COASY: variants seen among roughly 807,000 people sequenced by gnomAD.
COASY encodes Coenzyme A synthase, also known as bifunctional coenzyme A synthase.
COASY carries 31 observed loss-of-function variants against 49.4 expected under a neutral mutation model. The ratio of observed to expected loss-of-function variants is 0.63; its 90% CI spans 0.47 to 0.85. COASY has a LOEUF of 0.85. COASY is among the 40% of genes least tolerant of loss of function. The probability of loss-of-function intolerance (pLI) is 0.00; values close to 1 mark genes in which losing one functional copy is unlikely to be tolerated. For missense variants in COASY, 730 were observed against 734.1 expected, an observed-to-expected ratio of 0.99 and a Z score of 0.06; for synonymous variants, 285 against 310.9, an observed-to-expected ratio of 0.92 and a Z score of 0.88.
At position 42,565,576 on chromosome 17, in the gene COASY, G is replaced by A. The variant is rs767753702; in HGVS notation, c.1485+8G>A. 3.7e-6 allele frequency: 6 copies of A among 1,613,910 alleles called. No homozygotes were observed. Among genetic ancestry groups the A allele is most frequent in the Admixed American group, 1.7e-5 (1 of 59,996 alleles). On this transcript the variant is annotated splice_region_variant and intron_variant, in intron 7 of 8. Coordinates refer to ENST00000393818, the MANE Select transcript of COASY (RefSeq NM_025233.7). ...GTCATCCCAGAGACTGAGGTATCTCGCCCCACCCCCCACACCATCCCTACT... is the reference window on the plus strand; with the variant it reads ...GTCATCCCAGAGACTGAGGTATCTCACCCCACCCCCCACACCATCCCTACT...
intron 1 of COASY, chr17:42,563,628 G>T (rs905936818): frequency 1.2e-5 from 6 of 515,000 alleles, no homozygotes; most frequent in Non-Finnish European, 2.1e-5. Flanking sequence ...TGAGCTGCAG[G>T]TAGCAGTGCC....
chr17:42,563,420 C>A, intron 1 of COASY, 98 bp downstream of exon 1: 1 of 1,110,580 alleles, frequency 9.0e-7, no homozygotes, highest in Non-Finnish European at 1.3e-6. Context: ...CCATTCATTA[C>A]TTCCCACCCT....
Position 42,562,548 on chromosome 17 carries a change from C to T in COASY, c.-75C>T, listed in dbSNP as rs1255330684. The stretch of plus-strand genomic sequence containing the variant: ...CTTCTCTGGGGTCCAAGGTCCCATA[C>T]AGGCCTCTGCCTCGGCCGCAGGCCC... On this transcript the variant is annotated 5_prime_UTR_variant, in exon 1 of 9. Coordinates refer to ENST00000393818, the MANE Select transcript of COASY (RefSeq NM_025233.7). 3.8e-6 allele frequency: 6 copies of T among 1,595,572 alleles called. No homozygotes were observed. Among genetic ancestry groups the T allele is most frequent in the African/African-American group, 1.3e-5 (1 of 74,092 alleles).
chr17:42,563,547 AAAGGGATCTGCATTTTAGC>A lies in COASY; in HGVS notation c.700+229_700+247del, dbSNP rs576943976. On this transcript the variant is annotated intron_variant, in intron 1 of 8. Coordinates refer to ENST00000393818, the MANE Select transcript of COASY (RefSeq NM_025233.7). ...AATCAGAATACCCCAAATGTGAAGC[AAAGGGATCTGCATTTTAGC>A]AAGTTTTCCAGGTGATACACCCTAA... 459 of 565,414 alleles carry A rather than the reference AAAGGGATCTGCATTTTAGC, an allele frequency of 8.1e-4. 4 individuals carry two copies. The South Asian group carries it at 0.01, about 13-fold the overall frequency. 35.0% of individuals were successfully genotyped at this position (565,414 alleles called of 1,614,324 possible).
chr17:42,562,823 C>T lies in COASY; in HGVS notation c.201C>T (p.Phe67=). The T allele has an allele frequency of 3.7e-6, 6 of 1,613,160 alleles. No homozygotes were observed. The highest frequency in any genetic ancestry group is 5.1e-6 in the Non-Finnish European group (6 of 1,179,510). Residue 67 remains phenylalanine (F), a synonymous_variant, in exon 1 of 9, where the codon TTC becomes TTT. Transcript: ENST00000393818. ...AGGCCACGTTTGAGGTTCTTGATTT[C>T]ATCACGCACCTCTATGCTGGCGCCG... ...PVQATFEVLD[F]ITHLYAGADV...
intron 6 of COASY, 34 bp downstream of exon 6, chr17:42,565,345 G>A (rs776756268): frequency 6.2e-7 from 1 of 1,611,740 alleles, no homozygotes; most frequent in South Asian, 1.1e-5. Context: ...CAGCTAAGGG[G>A]ACAGTTAAGC....
chr17:42,562,982 C>T lies in COASY; in HGVS notation c.360C>T (p.Thr120=), dbSNP rs370986415. Reference sequence around the variant, plus strand: ...AAGTCGTGTTGACAGATTTCCAGACCCTGGATGGAAGCCAGTACAACCCGG... The same window carrying T: ...AAGTCGTGTTGACAGATTTCCAGACTCTGGATGGAAGCCAGTACAACCCGG... The part of the protein sequence containing the change: ...PPEVVLTDFQ[T]LDGSQYNPVK... The change falls in exon 1 of 9, where the codon ACC becomes ACT. Residue 120 remains threonine, a synonymous_variant. Coordinates refer to ENST00000393818, the MANE Select transcript of COASY (RefSeq NM_025233.7). 3 of 1,614,142 alleles carry T rather than the reference C, an allele frequency of 1.9e-6. No individual in the cohort carries two copies. The highest frequency in any genetic ancestry group is 1.3e-5 in the African/African-American group (1 of 75,066).
Position 42,565,772 on chromosome 17 carries a change from C to A in COASY, c.1599C>A (p.Ser533Arg), listed in dbSNP as rs1481693699. The A allele has an allele frequency of 1.5e-5, 24 of 1,613,824 alleles. No homozygotes were observed. The highest frequency in any genetic ancestry group is 1.9e-5 in the Non-Finnish European group (23 of 1,180,048). Residue 533 changes from serine to arginine, a missense_variant, in exon 8 of 9, where the codon AGC (serine) becomes AGA (arginine). Physicochemically the swap from Ser to Arg is moderately radical, Grantham distance 110. Transcript: ENST00000393818. Reference protein sequence around the residue: ...QLVEQSHVVLSTLWEPHITQR... With the variant: ...QLVEQSHVVLRTLWEPHITQR... ...TGGAACAGAGCCACGTGGTGCTCAG[C>A]ACCTTGTGGGAGCCGCATATCACCC...
chr17:42,565,232 G>A lies in COASY; in HGVS notation c.1308G>A (p.Gln436=), dbSNP rs769644844. The A allele has an allele frequency of 6.2e-7, 1 of 1,614,082 alleles. No individual in the cohort carries two copies. ...CCCTCTGTTCCCCTCCCCAGAAGCA[G>A]CTGAAGATACTCACGGACATTATGT... The part of the protein sequence containing the change: ...LGSRVFGNKK[Q]LKILTDIMWP... Residue 436 remains glutamine, a synonymous_variant, in exon 6 of 9, where the codon CAG becomes CAA. Transcript: ENST00000393818.
rs1241177960 is a variant in COASY, at chr17:42,564,574, A to G, written c.1044A>G (p.Pro348=). The G allele has an allele frequency of 4.3e-6, 7 of 1,611,098 alleles. No individual in the cohort carries two copies. The highest frequency in any genetic ancestry group is 2.2e-5 in the South Asian group (2 of 90,820). Residue 348 remains proline (P), a synonymous_variant, in exon 3 of 9, where the codon CCA becomes CCG. Transcript: ENST00000393818. ...QRMLGNLLRP[P]YERPELPTCL... ...TGTTGGGGAACCTGCTTCGGCCTCC[A>G]TATGTAAGCTCCTCTCCCTCCTTCC...
In COASY at chr17:42,564,498, A is replaced by T; in HGVS notation, c.968A>T (p.His323Leu). The T allele has an allele frequency of 6.2e-7, 1 of 1,613,550 alleles. No homozygotes were observed. The highest frequency in any genetic ancestry group is 8.5e-7 in the Non-Finnish European group (1 of 1,179,682). The change falls in exon 3 of 9, where the codon CAT becomes CTT. Residue 323 changes from histidine to leucine, a missense_variant. Transcript: ENST00000393818. ...ATCCAGCTGCTGAAGGACCTCAGAC[A>T]TACAGAGAATGAAGAGGACAAAGTC... is the stretch of plus-strand genomic sequence containing the variant. ...YQIQLLKDLR[H>L]TENEEDKVSS...
In COASY at chr17:42,563,009, C is replaced by G; in HGVS notation, c.387C>G (p.Val129=). The part of the protein sequence containing the change: ...QTLDGSQYNP[V]KQQLVRYATS... ...TGGATGGAAGCCAGTACAACCCGGT[C>G]AAACAGCAGCTAGTGCGTTACGCCA... The change falls in exon 1 of 9, where the codon GTC becomes GTG. Residue 129 remains valine, a synonymous_variant. Coordinates refer to ENST00000393818, the MANE Select transcript of COASY (RefSeq NM_025233.7). The G allele has an allele frequency of 6.2e-7, 1 of 1,614,152 alleles. No individual in the cohort carries two copies. The highest frequency in any genetic ancestry group is 8.5e-7 in the Non-Finnish European group (1 of 1,180,032).
chr17:42,562,406 T>G lies in COASY; in HGVS notation c.-217T>G. ...AGTTCAGCGAAGTCACCGCCCCGTCTGAGAAATGAGGACACCAAGGCTTAG... is the reference window on the plus strand; with the variant it reads ...AGTTCAGCGAAGTCACCGCCCCGTCGGAGAAATGAGGACACCAAGGCTTAG... On this transcript the variant is annotated 5_prime_UTR_variant, in exon 1 of 9. Transcript: ENST00000393818. 1 of 1,613,718 alleles carries G rather than the reference T, an allele frequency of 6.2e-7. No individual in the cohort carries two copies. Among genetic ancestry groups the G allele is most frequent in the Non-Finnish European group, 8.5e-7 (1 of 1,179,702 alleles).
At position 42,564,455 on chromosome 17, in the gene COASY, G is replaced by A. The variant is rs990308792; in HGVS notation, c.925G>A (p.Glu309Lys). The A allele has an allele frequency of 6.2e-7, 1 of 1,613,980 alleles. No homozygotes were observed. The highest frequency in any genetic ancestry group is 8.5e-7 in the Non-Finnish European group (1 of 1,179,990). Residue 309 changes from glutamate to lysine, a missense_variant, in exon 3 of 9, where the codon GAA becomes AAA. Coordinates refer to ENST00000393818, the MANE Select transcript of COASY (RefSeq NM_025233.7). Reference protein sequence around the residue: ...NRFRLENDLEELALYQIQLLK... With the variant: ...NRFRLENDLEKLALYQIQLLK... ...TTCCTCTTTACCCCAGGACCTGGAG[G>A]AACTTGCTTTGTACCAGATCCAGCT... is the stretch of plus-strand genomic sequence containing the variant.
intron 6 of COASY, 79 bp from the exon 7 acceptor site, chr17:42,565,392 G>A: frequency 6.2e-7 from 1 of 1,607,070 alleles, no homozygotes; most frequent in South Asian, 1.1e-5. Flanking sequence ...CCCAACGTGG[G>A]ACTGTCTGTT....
rs1203241612 is a variant in COASY at position 42,566,119 on chromosome 17, C to T, written c.*151C>T. 9 of 764,626 alleles carry T rather than the reference C, an allele frequency of 1.2e-5. No individual in the cohort carries two copies. Among genetic ancestry groups the T allele is most frequent in the African/African-American group, 1.0e-4 (6 of 57,556 alleles). The allele number at this position is 764,626 out of a possible 1,614,324, so 47.4% of individuals were successfully genotyped here. A position where few individuals can be genotyped will look rare whatever the true frequency, so the allele number is the denominator to read the frequency against. Reference sequence around the variant, plus strand: ...GGCCAGGCCTGGTGGACACAGGAAGCCTACCCAACACGCTGGTATTTGGCC... The same window carrying T: ...GGCCAGGCCTGGTGGACACAGGAAGTCTACCCAACACGCTGGTATTTGGCC... On this transcript the variant is annotated 3_prime_UTR_variant, in exon 9 of 9. Transcript: ENST00000393818.
At position 42,562,689 on chromosome 17, in the gene COASY, G is replaced by T; in HGVS notation, c.67G>T (p.Ala23Ser). The T allele has an allele frequency of 6.5e-7, 1 of 1,547,700 alleles. No individual in the cohort carries two copies. The highest frequency in any genetic ancestry group is 8.7e-7 in the Non-Finnish European group (1 of 1,149,110). Residue 23 changes from alanine to serine, a missense_variant, in exon 1 of 9, where the codon GCC becomes TCC. Coordinates refer to ENST00000393818, the MANE Select transcript of COASY (RefSeq NM_025233.7). ...TPLASLAPRL[A>S]SILTSAARLV... ...GCTGGCCTCCCTAGCCCCTCGCCTG[G>T]CCTCCATCCTGACCTCGGCGGCCCG...
In COASY at chr17:42,564,705, C is replaced by T. The variant is rs2092993498; in HGVS notation, c.1048-4C>T. On this transcript the variant is annotated splice_region_variant and splice_polypyrimidine_tract_variant and intron_variant, in intron 3 of 8. Transcript: ENST00000393818. The stretch of plus-strand genomic sequence containing the variant: ...ACTGTGGGTTCCCTTTCACCTATCC[C>T]CAGGAAAGGCCAGAGCTCCCCACAT... 1 of 1,525,718 alleles carries T rather than the reference C, an allele frequency of 6.6e-7. No individual in the cohort carries two copies. The allele number at this position is 1,525,718 out of a possible 1,614,324, so 94.5% of individuals were successfully genotyped here. A position where few individuals can be genotyped will look rare whatever the true frequency, so the allele number is the denominator to read the frequency against.
In COASY at chr17:42,564,724, C is replaced by A; in HGVS notation, c.1063C>A (p.Pro355Thr). ...LRPPYERPEL[P>T]TCLYVIGLTG... ...CTATCCCCAGGAAAGGCCAGAGCTC[C>A]CCACATGTCTCTATGTAATTGGGCT... The change falls in exon 4 of 9, where the codon CCC (proline) becomes ACC (threonine). Residue 355 changes from proline to threonine, a missense_variant. By Grantham distance (38) the Pro-to-Thr change is conservative. Transcript: ENST00000393818. 1 of 1,526,888 alleles carries A rather than the reference C, an allele frequency of 6.5e-7. No individual in the cohort carries two copies. Among genetic ancestry groups the A allele is most frequent in the East Asian group, 2.3e-5 (1 of 44,306 alleles). The allele number at this position is 1,526,888 out of a possible 1,614,324, so 94.6% of individuals were successfully genotyped here. A position where few individuals can be genotyped will look rare whatever the true frequency, so the allele number is the denominator to read the frequency against.
Sources: allele counts gnomAD v4.1 joint callset, GRCh38; gene constraint gnomAD v4.1.1; transcripts MANE v1.5; gene names NCBI Gene and HGNC (gene_info 2026-07-23, HGNC 2026-07-21).